PTPRK: variants seen among roughly 807,000 people sequenced by gnomAD.
PTPRK encodes the protein protein tyrosine phosphatase receptor type K, also known as receptor-type tyrosine-protein phosphatase kappa.
In PTPRK, 75 loss-of-function variants were observed where a neutral mutation model predicts 178.0. The observed-to-expected ratio is 0.42, with a 90% CI of 0.35 to 0.51. The LOEUF (loss-of-function observed/expected upper bound fraction) is 0.51, where lower values mean the gene tolerates loss of function less well. PTPRK is among the 20% of genes least tolerant of loss of function. The pLI is 0.02. For missense variants in PTPRK, 1,441 were observed against 1,797.8 expected, an observed-to-expected ratio of 0.80 and a Z score of 3.59; for synonymous variants, 637 against 620.6, an observed-to-expected ratio of 1.03 and a Z score of -0.39.
chr6:128,488,548 T>C (rs1226752564), intron 1 of PTPRK, among the ~76,000 whole-genome samples: 2 of 152,198 alleles, frequency 1.3e-5, no homozygotes, highest in Non-Finnish European at 1.5e-5. Context: ...TAGGAGCCAA[T>C]AGAATACGCG....
At chr6:128,324,304 T>C (rs1829251498) in intron 2 of PTPRK, among the ~76,000 whole-genome samples, 1 of 152,180 alleles carries the variant, frequency 6.6e-6, no homozygotes, top group Non-Finnish European at 1.5e-5. Flanking sequence ...TTATTGGCTT[T>C]CTAATAGTCA....
At chr6:127,995,715 T>C (rs1292141046) in intron 17 of PTPRK, among the ~76,000 whole-genome samples, 177 bp from the exon 18 acceptor site, 3 of 152,066 alleles carry the variant, frequency 2.0e-5, no homozygotes, top group African/African-American at 7.2e-5. Context: ...ATTACACTTA[T>C]AATATTGTGT....
At chr6:128,009,292 A>G in intron 13 of PTPRK, 24 bp from the exon 14 acceptor site, 1 of 1,588,456 alleles carries the variant, frequency 6.3e-7, no homozygotes, top group Admixed American at 1.8e-5. Flanking sequence ...AAAAAAAATC[A>G]GTTACTGAAA....
At chr6:128,374,483 TC>T (rs1379196480) in intron 2 of PTPRK, among the ~76,000 whole-genome samples, 1 of 152,160 alleles carries the variant, frequency 6.6e-6, no homozygotes, top group East Asian at 1.9e-4. Flanking sequence ...CTCACATTCA[TC>T]CCCATCTCAG....
chr6:128,368,215 T>C (rs1835789398), intron 2 of PTPRK, among the ~76,000 whole-genome samples: 1 of 151,936 alleles, frequency 6.6e-6, no homozygotes, highest in African/African-American at 2.4e-5. Context: ...TGAATAAATT[T>C]AGGGTGACAG....
intron 1 of PTPRK, among the ~76,000 whole-genome samples, chr6:128,423,902 T>C (rs1843781039): frequency 6.6e-6 from 1 of 151,944 alleles, no homozygotes; most frequent in South Asian, 2.1e-4. Context: ...AAGAGAACTA[T>C]AGCAAATAAT....
At chr6:128,337,847 AC>A (rs1562310625) in intron 2 of PTPRK, among the ~76,000 whole-genome samples, 1 of 152,194 alleles carries the variant, frequency 6.6e-6, no homozygotes, top group Non-Finnish European at 1.5e-5. Context: ...CTGAGCTGTG[AC>A]CTGAAGAATG....
chr6:128,114,517 G>T (rs768892242), intron 7 of PTPRK, among the ~76,000 whole-genome samples: 5 of 151,176 alleles, frequency 3.3e-5, no homozygotes, highest in Non-Finnish European at 5.9e-5. Flanking sequence ...CTACTTGGAA[G>T]AATGAGGCAA....
intron 1 of PTPRK, among the ~76,000 whole-genome samples, chr6:128,451,845 T>C (rs569736996): frequency 1.3e-5 from 2 of 152,248 alleles, no homozygotes; most frequent in East Asian, 3.9e-4. Flanking sequence ...AACCAAAAAG[T>C]TTGGAAACCA....
At chr6:128,187,072 T>C (rs1027524196) in intron 6 of PTPRK, among the ~76,000 whole-genome samples, 1 of 152,108 alleles carries the variant, frequency 6.6e-6, no homozygotes, top group African/African-American at 2.4e-5. Flanking sequence ...GAATTATATA[T>C]AACAAACCTT....
At position 128,097,082 on chromosome 6, in the gene PTPRK, C is replaced by T. The variant is rs146093619; in HGVS notation, c.1163-7090G>A. ...TCTTGCCAAAAAGATTTCATCTCTGCTCCCATGGGTCAAATTGAGTTAATG... is the reference window on the plus strand; with the variant it reads ...TCTTGCCAAAAAGATTTCATCTCTGTTCCCATGGGTCAAATTGAGTTAATG... On this transcript the variant is annotated intron_variant, in intron 7 of 29. Transcript: ENST00000368226. 4.7e-3 allele frequency among the ~76,000 whole-genome samples: 718 copies of T among 152,232 alleles called. 18 individuals are homozygous for T. Among genetic ancestry groups the T allele is most frequent in the Non-Finnish European group, 9.4e-4 (64 of 68,010 alleles).
intron 29 of PTPRK, among the ~76,000 whole-genome samples, chr6:127,971,820 C>A (rs1336240959): frequency 6.6e-6 from 1 of 151,950 alleles, no homozygotes; most frequent in Non-Finnish European, 1.5e-5. Context: ...TAAGACTTGA[C>A]CTGAAAAATG....
At chr6:128,295,470 A>T (rs1178465865) in intron 3 of PTPRK, among the ~76,000 whole-genome samples, 1 of 152,148 alleles carries the variant, frequency 6.6e-6, no homozygotes, top group East Asian at 1.9e-4. Flanking sequence ...ATTAAAAAGT[A>T]ACACTAAGTA....
chr6:128,297,942 T>C (rs1351021494), intron 3 of PTPRK, among the ~76,000 whole-genome samples: 1 of 152,158 alleles, frequency 6.6e-6, no homozygotes, highest in South Asian at 2.1e-4. Flanking sequence ...CAGGAGCTGG[T>C]TTTTTGAAAG....
intron 7 of PTPRK, among the ~76,000 whole-genome samples, chr6:128,141,293 CAT>C (rs902321260): frequency 1.3e-5 from 2 of 151,692 alleles, no homozygotes; most frequent in African/African-American, 4.8e-5. Context: ...GACCAAGAAA[CAT>C]AAAATTTCAG....
At chr6:128,238,931 T>C (rs1361560339) in intron 5 of PTPRK, among the ~76,000 whole-genome samples, 1 of 152,142 alleles carries the variant, frequency 6.6e-6, no homozygotes, top group African/African-American at 2.4e-5. Flanking sequence ...CTGGAAGAAC[T>C]TGATGAAATA....
intron 7 of PTPRK, among the ~76,000 whole-genome samples, chr6:128,099,248 T>C (rs952577179): frequency 6.6e-6 from 1 of 151,438 alleles, no homozygotes; most frequent in Admixed American, 6.6e-5. Context: ...GCATAAATAG[T>C]ACATGTTTTT....
At chr6:128,220,620 C>T (rs1583546230) in intron 5 of PTPRK, among the ~76,000 whole-genome samples, 1 of 152,090 alleles carries the variant, frequency 6.6e-6, no homozygotes, top group Non-Finnish European at 1.5e-5. Flanking sequence ...GATGCATAAA[C>T]CTCAGGACCC....
intron 11 of PTPRK, among the ~76,000 whole-genome samples, chr6:128,068,558 G>GA (rs1339454730): frequency 1.3e-5 from 2 of 151,512 alleles, no homozygotes; most frequent in African/African-American, 2.4e-5. Context: ...ACAAAGGAGA[G>GA]AAAAAAACAA....
Sources: gnomAD v4.1 joint callset for allele counts (sites outside exome capture counted in the v4.1 genomes callset) on GRCh38, gnomAD v4.1.1 for gene constraint, MANE v1.5 for transcripts, NCBI Gene and HGNC (gene_info 2026-07-23, HGNC 2026-07-21) for gene names.